INVS: variants seen among roughly 807,000 people sequenced by gnomAD.
The protein encoded by INVS is inversion of embryo turning homolog.
In INVS, 86 loss-of-function variants were observed where a neutral mutation model predicts 108.8. That is an observed-to-expected ratio of 0.79 (90% CI 0.66 to 0.95). The LOEUF is 0.95. INVS is among the 40% of genes least tolerant of loss of function. The probability of loss-of-function intolerance (pLI) is 0.00; values close to 1 mark genes in which losing one functional copy is unlikely to be tolerated. For missense variants in INVS, 1,169 were observed against 1,297.4 expected (o/e 0.90, Z 1.52); for synonymous variants, 455 against 473.5 (o/e 0.96, Z 0.51).
chr9:100,223,707 C>T (rs890713591), intron 3 of INVS, among the ~76,000 whole-genome samples: 4 of 152,232 alleles, frequency 2.6e-5, no homozygotes, highest in African/African-American at 9.6e-5. Context: ...AGGGAAACCT[C>T]TCTGAGAGGA....
Position 100,126,691 on chromosome 9 carries a change from T to C in INVS, c.273+142T>C, listed in dbSNP as rs187795610. The C allele has an allele frequency of 9.7e-5, 80 of 828,012 alleles. No individual in the cohort carries two copies. The Middle Eastern group carries it at 1.7e-3, about 18-fold the overall frequency. The allele number at this position is 828,012 out of a possible 1,614,324, so 51.3% of individuals were successfully genotyped here. ...TTATATATTTTCTCTAAAAGCTGTCTTTAAGCTGCAGAGAGTAAAAGCACA... is the reference window on the plus strand; with the variant it reads ...TTATATATTTTCTCTAAAAGCTGTCCTTAAGCTGCAGAGAGTAAAAGCACA... On this transcript the variant is annotated intron_variant, in intron 3 of 16. Transcript: ENST00000262457.
intron 4 of INVS, among the ~76,000 whole-genome samples, chr9:100,228,242 C>T (rs1275208038): frequency 1.3e-5 from 2 of 152,142 alleles, no homozygotes; most frequent in East Asian, 1.9e-4. Flanking sequence ...CCACCCGCCT[C>T]GATCTCCCAA....
At chr9:100,245,247 T>G (rs530200879) in intron 7 of INVS, among the ~76,000 whole-genome samples, 1 of 152,232 alleles carries the variant, frequency 6.6e-6, no homozygotes, top group East Asian at 1.9e-4. Flanking sequence ...AATAGAATTG[T>G]CAAGGGTCCT....
chr9:100,141,116 C>T (rs953705055), intron 3 of INVS, among the ~76,000 whole-genome samples: 2 of 152,116 alleles, frequency 1.3e-5, no homozygotes, highest in African/African-American at 4.8e-5. Flanking sequence ...TAGTTGAGAA[C>T]AGTGAATAGG....
chr9:100,273,761 C>G (rs1833033671), intron 12 of INVS, among the ~76,000 whole-genome samples: 1 of 151,686 alleles, frequency 6.6e-6, no homozygotes, highest in Admixed American at 6.6e-5. Flanking sequence ...TGGTCTTGAA[C>G]TCCTGACCTC....
chr9:100,166,838 T>A (rs1342113243), intron 3 of INVS, among the ~76,000 whole-genome samples: 1 of 152,190 alleles, frequency 6.6e-6, no homozygotes, highest in Admixed American at 6.5e-5. Flanking sequence ...TCCTAACTGG[T>A]CTCCTGGTTT....
intron 3 of INVS, among the ~76,000 whole-genome samples, chr9:100,183,041 G>T (rs377303685): frequency 2.6e-5 from 4 of 151,992 alleles, no homozygotes; most frequent in African/African-American, 7.2e-5. Context: ...ACCAAACACC[G>T]CATGTTCTCA....
intron 3 of INVS, chr9:100,175,855 C>A: frequency 1.5e-6 from 1 of 648,166 alleles, no homozygotes; most frequent in East Asian, 4.1e-5. Context: ...GGAACAATCC[C>A]TTCTATAGCT....
intron 6 of INVS, among the ~76,000 whole-genome samples, chr9:100,241,817 C>T (rs1422058026): frequency 1.3e-5 from 2 of 152,178 alleles, no homozygotes; most frequent in Admixed American, 6.5e-5. Context: ...TATATCCTTG[C>T]TCTGCTAATG....
At chr9:100,189,545 A>G (rs1348573715) in intron 3 of INVS, among the ~76,000 whole-genome samples, 1 of 151,824 alleles carries the variant, frequency 6.6e-6, no homozygotes, top group Non-Finnish European at 1.5e-5. Context: ...TAATTCTGAG[A>G]GGTCCTTTTG....
intron 14 of INVS, among the ~76,000 whole-genome samples, chr9:100,296,330 C>T (rs540248176): frequency 2.6e-5 from 4 of 152,158 alleles, no homozygotes; most frequent in Non-Finnish European, 4.4e-5. Context: ...CCATTCCTCA[C>T]CCACTCTAAA....
intron 5 of INVS, among the ~76,000 whole-genome samples, chr9:100,239,053 T>C: frequency 6.6e-6 from 1 of 152,256 alleles, no homozygotes; most frequent in Admixed American, 6.5e-5. Context: ...ATGGGAGTGT[T>C]AATTGGTAAG....
At chr9:100,150,300 C>T (rs778338679) in intron 3 of INVS, among the ~76,000 whole-genome samples, 6 of 152,140 alleles carry the variant, frequency 3.9e-5, no homozygotes, top group Non-Finnish European at 7.4e-5. Flanking sequence ...TTCATCTCTT[C>T]TCTGACTCCC....
intron 3 of INVS, among the ~76,000 whole-genome samples, chr9:100,178,175 A>C (rs2119062246): frequency 6.6e-6 from 1 of 152,310 alleles, no homozygotes; most frequent in South Asian, 2.1e-4. Context: ...ATGAGGAAAA[A>C]CCAATGCAAA....
chr9:100,149,049 C>CA (rs11333350), intron 3 of INVS, among the ~76,000 whole-genome samples: 1,970 of 144,952 alleles, frequency 0.014, 23 homozygotes, highest in African/African-American at 0.032. Context: ...TTCACTGTAG[C>CA]AAAAAAAAAA....
At chr9:100,151,285 G>C (rs759451722) in intron 3 of INVS, among the ~76,000 whole-genome samples, 6 of 152,046 alleles carry the variant, frequency 3.9e-5, no homozygotes, top group Non-Finnish European at 7.4e-5. Flanking sequence ...AGACCAGCCT[G>C]GTCAACATAG....
At chr9:100,175,357 A>G in intron 3 of INVS, 2 of 764,028 alleles carry the variant, frequency 2.6e-6, no homozygotes, top group East Asian at 2.5e-5. Flanking sequence ...ACGAGTCCCA[A>G]AGGCAGACAA....
At chr9:100,154,348 T>C (rs1828903024) in intron 3 of INVS, among the ~76,000 whole-genome samples, 1 of 137,656 alleles carries the variant, frequency 7.3e-6, no homozygotes. Context: ...TTTTTTTTTT[T>C]TTTTTTTTTT....
chr9:100,150,367 C>A (rs1282070375), intron 3 of INVS, among the ~76,000 whole-genome samples: 1 of 152,046 alleles, frequency 6.6e-6, no homozygotes, highest in Non-Finnish European at 1.5e-5. Flanking sequence ...GATCAGAGAT[C>A]TCACAAGCCT....
Sources: allele counts gnomAD v4.1 joint callset (sites outside exome capture counted in the v4.1 genomes callset), GRCh38; gene constraint gnomAD v4.1.1; transcripts MANE v1.5; gene names NCBI Gene and HGNC (gene_info 2026-07-23, HGNC 2026-07-21).